PALLD: variants seen among roughly 807,000 people sequenced by gnomAD.
The protein encoded by PALLD is palladin, cytoskeletal associated protein.
In PALLD, 61 loss-of-function variants were observed where a neutral mutation model predicts 123.5. The ratio of observed to expected loss-of-function variants is 0.49; its 90% CI spans 0.40 to 0.61. PALLD has a LOEUF of 0.61. PALLD is among the 20% of genes least tolerant of loss of function. PALLD has a pLI of 0.00. For synonymous variants in PALLD, 465 were observed against 496.4 expected (o/e 0.94, Z 0.84); for missense variants, 1,273 against 1,377.0 (o/e 0.92, Z 1.20).
At position 168,793,169 on chromosome 4, in the gene PALLD, ATG is replaced by A. The variant is rs1361511449; in HGVS notation, c.1964+81251_1964+81252del. 4.3e-3 allele frequency among the ~76,000 whole-genome samples: 480 copies of A among 110,450 alleles called. 10 individuals are homozygous for A. Among genetic ancestry groups the A allele is most frequent in the African/African-American group, 0.015 (450 of 30,960 alleles). The allele number at this position is 110,450 out of a possible 152,430, so 72.5% of individuals were successfully genotyped here. Reference sequence around the variant, plus strand: ...TATGTGTGCATATATATACATATATATGTGTGCATATATATACATATATATGT... The same window carrying A: ...TATGTGTGCATATATATACATATATATGTGCATATATATACATATATATGT... On this transcript the variant is annotated intron_variant, in intron 10 of 21. Transcript: ENST00000505667.
chr4:168,631,620 C>T (rs1376527896), intron 2 of PALLD: 10 of 985,470 alleles, frequency 1.0e-5, no homozygotes, highest in Non-Finnish European at 1.2e-5. Context: ...GCGGCGCATT[C>T]GCGCGCTGGA....
intron 2 of PALLD, among the ~76,000 whole-genome samples, chr4:168,604,097 A>G (rs968317653): frequency 1.3e-5 from 2 of 152,244 alleles, no homozygotes; most frequent in Non-Finnish European, 2.9e-5. Flanking sequence ...TAGGAAAGTA[A>G]TTCATGAGAG....
chr4:168,527,968 T>C (rs1764231150), intron 2 of PALLD, among the ~76,000 whole-genome samples: 1 of 152,252 alleles, frequency 6.6e-6, no homozygotes, highest in Non-Finnish European at 1.5e-5. Context: ...ATCCACCTTC[T>C]GTTCCTTTAG....
intron 6 of PALLD, among the ~76,000 whole-genome samples, chr4:168,688,533 A>G (rs1440139122): frequency 6.6e-6 from 1 of 152,214 alleles, no homozygotes; most frequent in Non-Finnish European, 1.5e-5. Context: ...CAGATCCTAC[A>G]CAAAGTAGAT....
intron 8 of PALLD, among the ~76,000 whole-genome samples, chr4:168,705,562 C>T (rs556257418): frequency 6.6e-5 from 10 of 152,276 alleles, no homozygotes; most frequent in African/African-American, 1.9e-4. Flanking sequence ...AATGTTTGAG[C>T]AACTTCTTCC....
chr4:168,759,038 G>T (rs540522294), intron 10 of PALLD, among the ~76,000 whole-genome samples: 1 of 151,104 alleles, frequency 6.6e-6, no homozygotes, highest in East Asian at 2.0e-4. Context: ...AATTAGCCAG[G>T]CGTGATAGCA....
At chr4:168,925,978 A>G (rs1300045958) in intron 21 of PALLD, among the ~76,000 whole-genome samples, 1 of 151,328 alleles carries the variant, frequency 6.6e-6, no homozygotes, top group African/African-American at 2.4e-5. Context: ...AAAAAAAAAG[A>G]TAAACTACAC....
intron 10 of PALLD, among the ~76,000 whole-genome samples, chr4:168,823,800 G>C (rs909395511): frequency 1.3e-5 from 2 of 152,194 alleles, no homozygotes; most frequent in Admixed American, 1.3e-4. Context: ...ATATGACAAC[G>C]AAGCAGGTGA....
chr4:168,538,920 G>C (rs1765344378), intron 2 of PALLD, among the ~76,000 whole-genome samples: 1 of 152,178 alleles, frequency 6.6e-6, no homozygotes, highest in Non-Finnish European at 1.5e-5. Flanking sequence ...AGTTTTGGAT[G>C]CTACGACTTC....
chr4:168,604,469 G>A (rs758837244), intron 2 of PALLD, among the ~76,000 whole-genome samples: 4 of 152,128 alleles, frequency 2.6e-5, no homozygotes, highest in African/African-American at 9.7e-5. Flanking sequence ...CTGCAAAAAT[G>A]ATATAACAGT....
chr4:168,803,684 C>CG (rs1554085618), intron 10 of PALLD, among the ~76,000 whole-genome samples: 1 of 137,702 alleles, frequency 7.3e-6, no homozygotes, highest in Non-Finnish European at 1.5e-5. Flanking sequence ...GACCCTGTCT[C>CG]AAAAAAAAAA....
chr4:168,918,393 A>T (rs1760707929), intron 17 of PALLD, among the ~76,000 whole-genome samples: 1 of 152,006 alleles, frequency 6.6e-6, no homozygotes, highest in Non-Finnish European at 1.5e-5. Flanking sequence ...GACAACATGG[A>T]TGAACCTGGA....
rs1391221708 is a variant in PALLD, at chr4:168,503,456, T to C, written c.-83+6262T>C. 2.6e-5 allele frequency among the ~76,000 whole-genome samples: 4 copies of C among 151,984 alleles called. No homozygotes were observed. In the East Asian group the frequency reaches 7.7e-4, roughly 29 times the overall value. On this transcript the variant is annotated intron_variant, in intron 1 of 21. Coordinates refer to ENST00000505667, the MANE Select transcript of PALLD (RefSeq NM_001166108.2). ...CAAGGTCAAGAGATCGAGACCATCC[T>C]GCTAACAAGGGGAAACCCTGTCTCT...
intron 2 of PALLD, among the ~76,000 whole-genome samples, chr4:168,620,180 G>T (rs770704521): frequency 2.6e-5 from 4 of 152,162 alleles, no homozygotes; most frequent in Non-Finnish European, 5.9e-5. Context: ...TATCTGGCTG[G>T]GCCCAGTGGC....
intron 2 of PALLD, among the ~76,000 whole-genome samples, chr4:168,611,780 C>A (rs1773751887): frequency 6.6e-6 from 1 of 152,192 alleles, no homozygotes; most frequent in South Asian, 2.1e-4. Flanking sequence ...TTCTCACCAG[C>A]AGTCTTAAAG....
At chr4:168,599,194 T>C (rs1772298649) in intron 2 of PALLD, among the ~76,000 whole-genome samples, 5 of 152,332 alleles carry the variant, frequency 3.3e-5, no homozygotes, top group Admixed American at 6.5e-5. Context: ...GGTTGAAATG[T>C]CTTACTTTTG....
intron 2 of PALLD, among the ~76,000 whole-genome samples, chr4:168,528,183 A>G (rs1764257859): frequency 6.6e-6 from 1 of 152,142 alleles, no homozygotes; most frequent in South Asian, 2.1e-4. Flanking sequence ...AATGATGATG[A>G]CCCATAATTA....
At chr4:168,593,707 A>G (rs962635166) in intron 2 of PALLD, among the ~76,000 whole-genome samples, 2 of 152,336 alleles carry the variant, frequency 1.3e-5, no homozygotes, top group East Asian at 3.9e-4. Flanking sequence ...AGTGAATTAC[A>G]GTGTACTTGA....
At chr4:168,617,878 C>T (rs553247004) in intron 2 of PALLD, among the ~76,000 whole-genome samples, 2 of 152,272 alleles carry the variant, frequency 1.3e-5, no homozygotes, top group Admixed American at 6.5e-5. Context: ...AGTTATGAAG[C>T]TCCCTCCACC....
Sources: allele counts gnomAD v4.1 joint callset (sites outside exome capture counted in the v4.1 genomes callset), GRCh38; gene constraint gnomAD v4.1.1; transcripts MANE v1.5; gene names NCBI Gene and HGNC (gene_info 2026-07-23, HGNC 2026-07-21).